The following GLIS3 variants were observed in gnomAD, a reference collection of about 807,000 sequenced individuals.
GLIS3 encodes the protein zinc finger protein GLIS3.
Under a neutral mutation model 78.6 loss-of-function variants are expected in GLIS3, and 53 were observed. The observed-to-expected ratio is 0.67, with a 90% CI of 0.54 to 0.85. The LOEUF (loss-of-function observed/expected upper bound fraction) is 0.85. GLIS3 is among the 40% of genes least tolerant of loss of function. The probability of loss-of-function intolerance (pLI) is 0.00; values close to 1 mark genes in which losing one functional copy is unlikely to be tolerated. For synonymous variants in GLIS3, 684 were observed against 509.9 expected, an observed-to-expected ratio of 1.34 and a Z score of -4.60; for missense variants, 1,703 against 1,231.1, an observed-to-expected ratio of 1.38 and a Z score of -5.74.
chr9:4,366,324 C>G, the GLIS3 span, among the ~76,000 whole-genome samples: 4 of 152,150 alleles, frequency 2.6e-5, no homozygotes, highest in Non-Finnish European at 5.9e-5. Flanking sequence ...ACTTCTTTAG[C>G]TAATTGCCTA....
At chr9:4,234,153 C>CT (rs1014388186) in intron 2 of GLIS3, among the ~76,000 whole-genome samples, 4 of 152,166 alleles carry the variant, frequency 2.6e-5, no homozygotes, top group African/African-American at 9.7e-5. Flanking sequence ...CTTCCATATC[C>CT]TTCTTGTGTT....
chr9:4,141,444 A>G (rs1336796846), intron 2 of GLIS3, among the ~76,000 whole-genome samples: 1 of 152,224 alleles, frequency 6.6e-6, no homozygotes, highest in African/African-American at 2.4e-5. Context: ...GGGCTTGGTC[A>G]AAGGGCATCT....
At chr9:4,410,290 T>C in the GLIS3 span, among the ~76,000 whole-genome samples, 6 of 152,054 alleles carry the variant, frequency 3.9e-5, no homozygotes, top group Admixed American at 3.3e-4. Flanking sequence ...AAAAATTCAG[T>C]TCTTTATTAG....
the GLIS3 span, among the ~76,000 whole-genome samples, chr9:4,395,895 T>A: frequency 1.3e-5 from 2 of 151,512 alleles, no homozygotes; most frequent in Admixed American, 6.6e-5. Context: ...TGCCTCAGCC[T>A]CCTGAATAGC....
At chr9:4,480,168 T>C in the GLIS3 span, among the ~76,000 whole-genome samples, 2 of 151,514 alleles carry the variant, frequency 1.3e-5, no homozygotes, top group African/African-American at 4.8e-5. Flanking sequence ...TACAGAAGAA[T>C]TCTGTGAGAC....
intron 2 of GLIS3, among the ~76,000 whole-genome samples, chr9:4,211,947 T>G (rs1447701545): frequency 6.6e-6 from 1 of 152,216 alleles, no homozygotes; most frequent in Non-Finnish European, 1.5e-5. Context: ...TTATTCCAAT[T>G]GTATGAAATG....
intron 2 of GLIS3, among the ~76,000 whole-genome samples, chr9:4,244,493 G>C (rs1489131875): frequency 1.3e-5 from 2 of 152,188 alleles, no homozygotes; most frequent in African/African-American, 4.8e-5. Flanking sequence ...ACATTGGAAA[G>C]AGTTTTTTTA....
chr9:3,889,707 T>G (rs1380044548), intron 7 of GLIS3, among the ~76,000 whole-genome samples: 1 of 152,156 alleles, frequency 6.6e-6, no homozygotes, highest in Non-Finnish European at 1.5e-5. Flanking sequence ...CAGAAAATAT[T>G]TTAGGCTTTG....
chr9:4,359,846 G>A, the GLIS3 span, among the ~76,000 whole-genome samples: 11 of 151,900 alleles, frequency 7.2e-5, no homozygotes, highest in South Asian at 4.2e-4. Flanking sequence ...AAATAAAAGC[G>A]GGCACCAATA....
At chr9:3,998,763 AAAT>A (rs947297024) in intron 4 of GLIS3, among the ~76,000 whole-genome samples, 37 of 148,702 alleles carry the variant, frequency 2.5e-4, no homozygotes, top group Non-Finnish European at 3.7e-4. Context: ...TGTTTATTAA[AAAT>A]AATATTAAAT....
chr9:4,285,130 A>G (rs1046944583), intron 2 of GLIS3, among the ~76,000 whole-genome samples: 5 of 152,220 alleles, frequency 3.3e-5, no homozygotes, highest in Non-Finnish European at 7.3e-5. Context: ...TGGTGTAAGC[A>G]TTTTTAACAT....
At position 4,114,703 on chromosome 9, in the gene GLIS3, A is replaced by C. The variant is rs115248680; in HGVS notation, c.1710+3065T>G. Among the ~76,000 whole-genome samples the C allele has an allele frequency of 5.3e-3, 812 of 152,218 alleles. 3 individuals carry two copies. The highest frequency in any genetic ancestry group is 0.019 in the African/African-American group (789 of 41,522). Reference sequence around the variant, plus strand: ...CTAGCTGAGGTCTGCCTGTCTGTCTACAGAGGCCTTTACTTCTCAAGCCCT... The same window carrying C: ...CTAGCTGAGGTCTGCCTGTCTGTCTCCAGAGGCCTTTACTTCTCAAGCCCT... On this transcript the variant is annotated intron_variant, in intron 4 of 10. Coordinates refer to ENST00000381971, the MANE Select transcript of GLIS3 (RefSeq NM_001042413.2).
chr9:4,453,122 A>C, the GLIS3 span, among the ~76,000 whole-genome samples: 1 of 152,208 alleles, frequency 6.6e-6, no homozygotes, highest in East Asian at 1.9e-4. Flanking sequence ...TAGAAAGCTG[A>C]AACTGGATCC....
intron 4 of GLIS3, among the ~76,000 whole-genome samples, chr9:4,040,441 C>T (rs985341574): frequency 4.6e-5 from 7 of 152,230 alleles, no homozygotes; most frequent in East Asian, 1.9e-4. Context: ...ACTATTACAG[C>T]GTGCTACATT....
At chr9:4,127,270 C>A (rs903437562) in intron 2 of GLIS3, among the ~76,000 whole-genome samples, 1 of 152,086 alleles carries the variant, frequency 6.6e-6, no homozygotes, top group African/African-American at 2.4e-5. Context: ...ACTGATTCTA[C>A]GAGAATGTAT....
intron 4 of GLIS3, among the ~76,000 whole-genome samples, chr9:4,113,375 T>A (rs12683144): frequency 0.19 from 29,623 of 152,070 alleles, 3,098 homozygotes; most frequent in Admixed American, 0.28. Context: ...TTTTATTGGA[T>A]AGACTCATCT....
chr9:4,178,583 C>T (rs140428615), intron 2 of GLIS3, among the ~76,000 whole-genome samples: 10 of 152,312 alleles, frequency 6.6e-5, no homozygotes, highest in Admixed American at 2.0e-4. Flanking sequence ...CTACATATAC[C>T]TTAGCTATTC....
chr9:4,360,416 G>T, the GLIS3 span, among the ~76,000 whole-genome samples: 2 of 152,162 alleles, frequency 1.3e-5, no homozygotes, highest in Non-Finnish European at 2.9e-5. Flanking sequence ...AGCTCAGACA[G>T]ATGTGACTGA....
intron 4 of GLIS3, among the ~76,000 whole-genome samples, chr9:3,981,648 G>C (rs909456915): frequency 3.9e-5 from 6 of 152,178 alleles, no homozygotes; most frequent in Non-Finnish European, 8.8e-5. Context: ...ATGATACATA[G>C]TTCCAATTAA....
Sources: allele counts gnomAD v4.1 joint callset (sites outside exome capture counted in the v4.1 genomes callset), GRCh38; gene constraint gnomAD v4.1.1; transcripts MANE v1.5; gene names NCBI Gene and HGNC (gene_info 2026-07-23, HGNC 2026-07-21).